The following CARD14 variants were observed in gnomAD, a reference collection of about 807,000 sequenced individuals.
The protein encoded by CARD14 is caspase recruitment domain family member 14, also known as caspase recruitment domain-containing protein 14.
In CARD14, 107 loss-of-function variants were observed where a neutral mutation model predicts 111.5. The ratio of observed to expected loss-of-function variants is 0.96; its 90% CI spans 0.82 to 1.13. The LOEUF is 1.13. Ranked by LOEUF, CARD14 falls within the 50% of genes most tolerant of loss-of-function variation. The pLI is 0.00. For synonymous variants in CARD14, 617 were observed against 579.6 expected, an observed-to-expected ratio of 1.06 and a Z score of -0.93; for missense variants, 1,322 against 1,362.3, an observed-to-expected ratio of 0.97 and a Z score of 0.47.
In CARD14 at chr17:80,195,629, A is replaced by G. The variant is rs2040685300; in HGVS notation, c.1571A>G (p.Asp524Gly). 1 of 1,613,550 alleles carries G rather than the reference A, an allele frequency of 6.2e-7. No homozygotes were observed. The highest frequency in any genetic ancestry group is 8.5e-7 in the Non-Finnish European group (1 of 1,179,890). Reference sequence around the variant, plus strand: ...GCTAAGGCAGGCGACCCACACCTGGATTATGAGCTCCTAGACACGGCAGGT... The same window carrying G: ...GCTAAGGCAGGCGACCCACACCTGGGTTATGAGCTCCTAGACACGGCAGGT... ...PGAKAGDPHL[D>G]YELLDTADLP... is the part of the protein sequence containing the mutation. The change falls in exon 14 of 24, where the codon GAT becomes GGT. Residue 524 changes from aspartate (D) to glycine (G), a missense_variant. Physicochemically the swap from Asp to Gly is moderately conservative, Grantham distance 94. Transcript: ENST00000648509. The surrounding 1 kb of genome is among the most constrained non-coding windows in gnomAD (Gnocchi z 4.7).
At chr17:80,183,003 G>A (rs1404672141) in intron 6 of CARD14, among the ~76,000 whole-genome samples, 1 of 152,178 alleles carries the variant, frequency 6.6e-6, no homozygotes, top group Non-Finnish European at 1.5e-5. Context: ...TGACTCTGAA[G>A]GGTCGGTCCT....
intron 2 of CARD14, among the ~76,000 whole-genome samples, chr17:80,176,704 C>A (rs541140363): frequency 6.6e-6 from 1 of 152,278 alleles, no homozygotes; most frequent in East Asian, 1.9e-4. Flanking sequence ...GCTATTGCTG[C>A]CTTGAAATTC....
rs766963929 is a variant in CARD14 at position 80,182,628 on chromosome 17, C to T, written c.212-25C>T. On this transcript the variant is annotated intron_variant, in intron 5 of 23. Coordinates refer to ENST00000648509, the MANE Select transcript of CARD14 (RefSeq NM_001366385.1). The surrounding 1 kb of genome is among the most constrained non-coding windows in gnomAD (Gnocchi z 4.7). ...GCCCCCTTGGTAGCTGGGTTCTGCC[C>T]AGACAGACGGTTCTGCCTCCCAAGG... 6.2e-7 allele frequency: 1 copy of T among 1,613,090 alleles called. No individual in the cohort carries two copies. The highest frequency in any genetic ancestry group is 8.5e-7 in the Non-Finnish European group (1 of 1,179,622).
intron 2 of CARD14, among the ~76,000 whole-genome samples, chr17:80,177,707 T>A (rs1047909027): frequency 6.6e-6 from 1 of 151,892 alleles, no homozygotes. Flanking sequence ...AAAAAAAAAT[T>A]TTTTTTTAGC....
rs759226431 is a variant in CARD14 at position 80,206,946 on chromosome 17, ACTT to A, written c.2692-18_2692-16del. 8 of 1,567,652 alleles carry A rather than the reference ACTT, an allele frequency of 5.1e-6. No homozygotes were observed. In the Admixed American group the frequency reaches 1.0e-4, roughly 20 times the overall value. ...CCTCTGAGGCCTGTGATCTTGACTC[ACTT>A]CTTCTCTCCCTCCCACAAAGAACAC... On this transcript the variant is annotated intron_variant, in intron 22 of 23. Transcript: ENST00000648509.
rs750067001 is a variant in CARD14, at chr17:80,202,289, G to A, written c.2088G>A (p.Gln696=). The change falls in exon 18 of 24, where the codon CAG becomes CAA. Residue 696 remains glutamine (Q), a synonymous_variant. Coordinates refer to ENST00000648509, the MANE Select transcript of CARD14 (RefSeq NM_001366385.1). ...AGGGCAGGGCCAAAGGGGAGCTGCA[G>A]GTGCATTGCAACGAGGTCCTGCACG... ...AMEGRAKGEL[Q]VHCNEVLHVT... The A allele has an allele frequency of 6.2e-7, 1 of 1,613,750 alleles. No individual in the cohort carries two copies. The highest frequency in any genetic ancestry group is 8.5e-7 in the Non-Finnish European group (1 of 1,180,036).
chr17:80,193,428 G>GACAT (rs1555613323), intron 12 of CARD14, among the ~76,000 whole-genome samples: 2 of 152,130 alleles, frequency 1.3e-5, no homozygotes, highest in East Asian at 1.9e-4. Flanking sequence ...ATGGTCCCTG[G>GACAT]GATGCCGGCC....
In CARD14 at chr17:80,182,927, G is replaced by A; in HGVS notation, c.349+137G>A. 5 of 1,046,388 alleles carry A rather than the reference G, an allele frequency of 4.8e-6. No homozygotes were observed. The South Asian group carries it at 7.6e-5, about 16-fold the overall frequency. 64.8% of individuals were successfully genotyped at this position (1,046,388 alleles called of 1,614,324 possible). On this transcript the variant is annotated intron_variant, in intron 6 of 23. Transcript: ENST00000648509. The surrounding 1 kb of genome is among the most constrained non-coding windows in gnomAD (Gnocchi z 4.7). ...GGCTGCAGTTCCTGTCCCAGCCCCA[G>A]CACTCTGAGGGTGAGGAACCCCCTC...
chr17:80,174,830 C>T lies in CARD14; in HGVS notation c.-367+1602C>T, dbSNP rs1051390166. On this transcript the variant is annotated intron_variant, in intron 2 of 23. Coordinates refer to ENST00000648509, the MANE Select transcript of CARD14 (RefSeq NM_001366385.1). Reference sequence around the variant, plus strand: ...TTTTCTCTGACTTCCCTAGACTTCTCTTCAGCTGCCCAAACAGTAGAGGGA... The same window carrying T: ...TTTTCTCTGACTTCCCTAGACTTCTTTTCAGCTGCCCAAACAGTAGAGGGA... Among the ~76,000 whole-genome samples, 6 of 152,172 alleles carry T rather than the reference C, an allele frequency of 3.9e-5. No homozygotes were observed. The East Asian group carries it at 9.7e-4, about 24-fold the overall frequency.
chr17:80,194,816 C>T (rs2040651748), intron 12 of CARD14, among the ~76,000 whole-genome samples: 1 of 152,168 alleles, frequency 6.6e-6, no homozygotes, highest in Non-Finnish European at 1.5e-5. Context: ...TCCACCTGGT[C>T]CCACCTTTGA....
In CARD14 at chr17:80,202,596, G is replaced by A. The variant is rs557089486; in HGVS notation, c.2219+176G>A. The A allele has an allele frequency of 1.8e-3, 2,527 of 1,431,140 alleles. 3 individuals are homozygous for A. The highest frequency in any genetic ancestry group is 2.2e-3 in the Non-Finnish European group (2,405 of 1,096,110). The allele number at this position is 1,431,140 out of a possible 1,614,324, so 88.7% of individuals were successfully genotyped here. A position where few individuals can be genotyped will look rare whatever the true frequency, so the allele number is the denominator to read the frequency against. The stretch of plus-strand genomic sequence containing the variant: ...AAGATGTTGTTTCTTTGTGATGGAT[G>A]CTTTATATATTGCAAATGAAATGTT... On this transcript the variant is annotated intron_variant, in intron 18 of 23. Coordinates refer to ENST00000648509, the MANE Select transcript of CARD14 (RefSeq NM_001366385.1).
chr17:80,198,172 A>C lies in CARD14; in HGVS notation c.1658+10A>C. On this transcript the variant is annotated intron_variant, in intron 15 of 23. Coordinates refer to ENST00000648509, the MANE Select transcript of CARD14 (RefSeq NM_001366385.1). The surrounding 1 kb of genome is among the most constrained non-coding windows in gnomAD (Gnocchi z 7.5). Reference sequence around the variant, plus strand: ...TTGATGTCTCGGAGAGGTAAGCAGCAGGTGGGAATCCTCCGAGGCTGGCTG... The same window carrying C: ...TTGATGTCTCGGAGAGGTAAGCAGCCGGTGGGAATCCTCCGAGGCTGGCTG... 1 of 1,613,694 alleles carries C rather than the reference A, an allele frequency of 6.2e-7. No individual in the cohort carries two copies. The highest frequency in any genetic ancestry group is 1.3e-5 in the African/African-American group (1 of 75,064).
chr17:80,198,397 A>G lies in CARD14; in HGVS notation c.1659-2A>G. 6.3e-7 allele frequency: 1 copy of G among 1,596,882 alleles called. No individual in the cohort carries two copies. The highest frequency in any genetic ancestry group is 8.6e-7 in the Non-Finnish European group (1 of 1,169,098). On this transcript the variant is annotated splice_acceptor_variant, in intron 15 of 23. Transcript: ENST00000648509. LOFTEE classifies it high-confidence loss of function. This position sits in a 1 kb window ranked among gnomAD's most constrained non-coding sequence, Gnocchi z 7.5. ...ACAAGCCGGTCGTCTCCCGGCCTGC[A>G]GCGGCGTCCTCATGCGGCGGAGGCC...
intron 12 of CARD14, among the ~76,000 whole-genome samples, chr17:80,194,977 A>G (rs893958025): frequency 1.3e-5 from 2 of 152,176 alleles, no homozygotes; most frequent in African/African-American, 4.8e-5. Flanking sequence ...GACATACAGC[A>G]TGTGTCAGTG....
intron 21 of CARD14, 88 bp from the exon 22 acceptor site, chr17:80,205,443 G>C: frequency 6.6e-7 from 1 of 1,515,630 alleles, no homozygotes; most frequent in Non-Finnish European, 8.9e-7. Context: ...TGCTGGCAGG[G>C]TTCACGGGGA....
rs2040196652 is a variant in CARD14, at chr17:80,182,203, C to A, written c.212-450C>A. Reference sequence around the variant, plus strand: ...GCTCTGGGCCCTGGGCGTGGAAGGCCCCGAGGCTCTCTGGGACCTGTCACC... The same window carrying A: ...GCTCTGGGCCCTGGGCGTGGAAGGCACCGAGGCTCTCTGGGACCTGTCACC... On this transcript the variant is annotated intron_variant, in intron 5 of 23. Transcript: ENST00000648509. The surrounding 1 kb of genome is among the most constrained non-coding windows in gnomAD (Gnocchi z 4.7). Among the ~76,000 whole-genome samples, 1 of 152,138 alleles carries A rather than the reference C, an allele frequency of 6.6e-6. No homozygotes were observed. Among genetic ancestry groups the A allele is most frequent in the Admixed American group, 6.5e-5 (1 of 15,282 alleles).
Position 80,188,284 on chromosome 17 carries a change from C to A in CARD14, c.676-93C>A. ...CAGGAAGCCCCCTGAGTGCTAAAAGCATCATTAGGAGGAAGGGTGAGAAAT... is the reference window on the plus strand; with the variant it reads ...CAGGAAGCCCCCTGAGTGCTAAAAGAATCATTAGGAGGAAGGGTGAGAAAT... On this transcript the variant is annotated intron_variant, in intron 7 of 23. Coordinates refer to ENST00000648509, the MANE Select transcript of CARD14 (RefSeq NM_001366385.1). This position sits in a 1 kb window ranked among gnomAD's most constrained non-coding sequence, Gnocchi z 4.5. 1 of 1,326,310 alleles carries A rather than the reference C, an allele frequency of 7.5e-7. No homozygotes were observed. The highest frequency in any genetic ancestry group is 3.0e-5 in the Admixed American group (1 of 33,600). 82.2% of individuals were successfully genotyped at this position (1,326,310 alleles called of 1,614,324 possible). A position where few individuals can be genotyped will look rare whatever the true frequency, so the allele number is the denominator to read the frequency against.
chr17:80,175,069 G>A (rs113011326), intron 2 of CARD14, among the ~76,000 whole-genome samples: 2,600 of 151,860 alleles, frequency 0.017, 41 homozygotes, highest in Middle Eastern at 0.027. Flanking sequence ...TCTGCCTCCC[G>A]GGCTCAAGTG....
At chr17:80,200,010 G>A (rs2040885475) in intron 16 of CARD14, among the ~76,000 whole-genome samples, 1 of 152,122 alleles carries the variant, frequency 6.6e-6, no homozygotes, top group South Asian at 2.1e-4. Flanking sequence ...GAGGGGACTG[G>A]GGATGGGGGC....
Sources: gnomAD v4.1 joint callset for allele counts (sites outside exome capture counted in the v4.1 genomes callset) on GRCh38, gnomAD v4.1.1 for gene constraint, Gnocchi (gnomAD v3.1) non-coding constraint, MANE v1.5 for transcripts, NCBI Gene and HGNC (gene_info 2026-07-23, HGNC 2026-07-21) for gene names.